The following TDRKH variants were observed in gnomAD, a reference collection of about 807,000 sequenced individuals.
TDRKH encodes tudor and KH domain containing, also known as tudor and KH domain-containing protein.
TDRKH carries 28 observed loss-of-function variants against 61.3 expected under a neutral mutation model. The ratio of observed to expected loss-of-function variants is 0.46; its 90% CI spans 0.34 to 0.63. The LOEUF is 0.63. TDRKH is among the 20% of genes least tolerant of loss of function. The pLI is 0.01. For synonymous variants in TDRKH, 219 were observed against 244.4 expected (o/e 0.90, Z 0.97); for missense variants, 540 against 683.4 (o/e 0.79, Z 2.34).
intron 1 of TDRKH, among the ~76,000 whole-genome samples, chr1:151,783,937 G>A (rs960731622): frequency 6.6e-6 from 1 of 152,148 alleles, no homozygotes; most frequent in African/African-American, 2.4e-5. Context: ...GTTTCTCTTT[G>A]ACACTGTATC....
At chr1:151,767,920 T>G, downstream of TDRKH, 2 of 1,080,750 alleles carry the variant, frequency 1.9e-6, no homozygotes, top group Non-Finnish European at 2.6e-6. Context: ...GACTAAGGGA[T>G]ATTATTGCAT....
At position 151,776,442 on chromosome 1, in the gene TDRKH, A is replaced by G. The variant is rs1439292640; in HGVS notation, c.1041T>C (p.Ser347=). ...CCCTGTCCCTATGGCAACTCACCACACTATTCTCATAGTGCTGGGTCATCT... is the reference window on the plus strand; with the variant it reads ...CCCTGTCCCTATGGCAACTCACCACGCTATTCTCATAGTGCTGGGTCATCT... ...VNEMTQHYEN[S]VPEDLTVHVG... is the part of the protein sequence containing the mutation. Residue 347 remains serine, a synonymous_variant, in exon 7 of 13, where the codon AGT becomes AGC. Transcript: ENST00000368824. The G allele has an allele frequency of 5.6e-6, 9 of 1,614,102 alleles. No individual in the cohort carries two copies. The highest frequency in any genetic ancestry group is 5.9e-6 in the Non-Finnish European group (7 of 1,180,034).
At position 151,779,189 on chromosome 1, in the gene TDRKH, T is replaced by A; in HGVS notation, c.475A>T (p.Thr159Ser). The A allele has an allele frequency of 6.2e-7, 1 of 1,614,246 alleles. No homozygotes were observed. Among genetic ancestry groups the A allele is most frequent in the East Asian group, 2.2e-5 (1 of 44,884 alleles). Residue 159 changes from threonine to serine, a missense_variant, in exon 5 of 13, where the codon ACC becomes TCC. Physicochemically the swap from Thr to Ser is moderately conservative, Grantham distance 58. Coordinates refer to ENST00000368824, the MANE Select transcript of TDRKH (RefSeq NM_001083965.2). ...SICKASGAKITCDKESEGTLL... is the reference protein window; with the variant it reads ...SICKASGAKISCDKESEGTLL... Reference sequence around the variant, plus strand: ...GTCCCTTCTGATTCTTTGTCACAGGTAATTTTGGCTCCAGATGCCTTACAG... The same window carrying A: ...GTCCCTTCTGATTCTTTGTCACAGGAAATTTTGGCTCCAGATGCCTTACAG...
intron 1 of TDRKH, among the ~76,000 whole-genome samples, chr1:151,785,111 T>C (rs11204887): frequency 0.33 from 50,328 of 151,880 alleles, 8,666 homozygotes; most frequent in Middle Eastern, 0.46. Context: ...TTTGTATTTT[T>C]TGTAGAGAAA....
intron 1 of TDRKH, among the ~76,000 whole-genome samples, chr1:151,789,380 G>A (rs1469139177): frequency 6.6e-6 from 1 of 152,144 alleles, no homozygotes; most frequent in Non-Finnish European, 1.5e-5. Context: ...ATAATATAAT[G>A]TAAACGGGGA....
chr1:151,775,227 A>C (rs1649044806), intron 10 of TDRKH, 61 bp from the exon 11 acceptor site: 1 of 1,589,340 alleles, frequency 6.3e-7, no homozygotes, highest in Non-Finnish European at 8.6e-7. Flanking sequence ...AATTTGAGGA[A>C]ACAAGGCAGA....
At chr1:151,788,048 A>G (rs947964983) in intron 1 of TDRKH, among the ~76,000 whole-genome samples, 1 of 152,050 alleles carries the variant, frequency 6.6e-6, no homozygotes, top group Non-Finnish European at 1.5e-5. Flanking sequence ...AATAATATGC[A>G]TCTTATACAA....
chr1:151,786,538 G>A (rs1650331452), intron 1 of TDRKH, among the ~76,000 whole-genome samples: 1 of 152,188 alleles, frequency 6.6e-6, no homozygotes, highest in South Asian at 2.1e-4. Context: ...CTATGGGTAA[G>A]TGAAAGCAAA....
intron 3 of TDRKH, among the ~76,000 whole-genome samples, chr1:151,780,953 C>T (rs1234236906): frequency 6.6e-6 from 1 of 151,914 alleles, no homozygotes; most frequent in Non-Finnish European, 1.5e-5. Context: ...GGGAGAAGTA[C>T]TCTTCTCTAG....
At chr1:151,787,889 C>T (rs928263630) in intron 1 of TDRKH, among the ~76,000 whole-genome samples, 5 of 149,424 alleles carry the variant, frequency 3.3e-5, no homozygotes, top group Non-Finnish European at 7.4e-5. Context: ...CTCAGGAGGC[C>T]GAGGTGGGAG....
intron 1 of TDRKH, among the ~76,000 whole-genome samples, chr1:151,789,731 T>C (rs1281253131): frequency 6.6e-6 from 1 of 152,126 alleles, no homozygotes; most frequent in Non-Finnish European, 1.5e-5. Flanking sequence ...CATTCCAGTA[T>C]CTCCTAATAA....
In TDRKH at chr1:151,776,445, A is replaced by T; in HGVS notation, c.1038T>A (p.Asn346Lys). Residue 346 changes from asparagine (N) to lysine (K), a missense_variant, in exon 7 of 13, where the codon AAT (asparagine) becomes AAA (lysine). Asn to Lys is a moderately conservative substitution (Grantham distance 94). Transcript: ENST00000368824. Reference protein sequence around the residue: ...LVNEMTQHYENSVPEDLTVHV... With the variant: ...LVNEMTQHYEKSVPEDLTVHV... Reference sequence around the variant, plus strand: ...TGTCCCTATGGCAACTCACCACACTATTCTCATAGTGCTGGGTCATCTCAT... The same window carrying T: ...TGTCCCTATGGCAACTCACCACACTTTTCTCATAGTGCTGGGTCATCTCAT... 6.2e-7 allele frequency: 1 copy of T among 1,614,208 alleles called. No homozygotes were observed. Among genetic ancestry groups the T allele is most frequent in the Non-Finnish European group, 8.5e-7 (1 of 1,180,042 alleles).
chr1:151,780,658 G>T, intron 3 of TDRKH, among the ~76,000 whole-genome samples: 1 of 152,110 alleles, frequency 6.6e-6, no homozygotes, highest in East Asian at 1.9e-4. Flanking sequence ...AGACCATCCT[G>T]GCTAACATGG....
At chr1:151,789,609 C>T (rs778047027) in intron 1 of TDRKH, among the ~76,000 whole-genome samples, 7 of 152,194 alleles carry the variant, frequency 4.6e-5, no homozygotes, top group Non-Finnish European at 1.5e-5. Context: ...TTGCCAAAAA[C>T]TATCTGATAT....
downstream of TDRKH, chr1:151,767,101 T>C: frequency 6.3e-7 from 1 of 1,593,246 alleles, no homozygotes; most frequent in Non-Finnish European, 8.6e-7. Context: ...CAGAGCCTGG[T>C]ACTGTGTATC....
At position 151,778,823 on chromosome 1, in the gene TDRKH, G is replaced by T. The variant is rs1314376350; in HGVS notation, c.745C>A (p.Pro249Thr). ...NTSSSMEPTA[P>T]LVTPPPKGGG... ...CCTTTGGGTGGAGGAGTCACCAGGG[G>T]TGCAGTCGGCTCCATGCTAGAACTG... is the stretch of plus-strand genomic sequence containing the variant. The change falls in exon 6 of 13, where the codon CCC (proline) becomes ACC (threonine). Residue 249 changes from proline to threonine, a missense_variant. Pro to Thr is a conservative substitution (Grantham distance 38). Around this residue, in one of 3 missense-constraint regions of TDRKH, gnomAD observed 379 missense variants for 443.8 expected, o/e 0.85. Transcript: ENST00000368824. 3 of 1,614,056 alleles carry T rather than the reference G, an allele frequency of 1.9e-6. No homozygotes were observed. Among genetic ancestry groups the T allele is most frequent in the Admixed American group, 1.7e-5 (1 of 59,996 alleles).
chr1:151,789,340 C>G (rs1045756424), intron 1 of TDRKH, among the ~76,000 whole-genome samples: 1 of 152,144 alleles, frequency 6.6e-6, no homozygotes, highest in African/African-American at 2.4e-5. Flanking sequence ...ATCCTTTCAG[C>G]TATAAGTTTC....
downstream of TDRKH, chr1:151,770,283 T>C (rs1340677444): frequency 3.7e-6 from 6 of 1,606,552 alleles, no homozygotes; most frequent in South Asian, 1.1e-5. Flanking sequence ...TCTTCCTTGC[T>C]TTTCGCGCTG....
intron 1 of TDRKH, among the ~76,000 whole-genome samples, chr1:151,787,621 G>C (rs61815099): frequency 6.6e-6 from 1 of 151,726 alleles, no homozygotes; most frequent in Non-Finnish European, 1.5e-5. Context: ...GCACGTTGGG[G>C]ACAGAAGGAG....
Sources: gnomAD v4.1 joint callset for allele counts (sites outside exome capture counted in the v4.1 genomes callset) on GRCh38, gnomAD v4.1.1 for gene constraint, gnomAD v4.1.1 regional missense constraint, MANE v1.5 for transcripts, NCBI Gene and HGNC (gene_info 2026-07-23, HGNC 2026-07-21) for gene names.